Variants in EGFLAM observed in about 807,000 individuals in gnomAD.
EGFLAM encodes the protein pikachurin.
In EGFLAM, 79 loss-of-function variants were observed where a neutral mutation model predicts 113.1. The ratio of observed to expected loss-of-function variants is 0.70; its 90% CI spans 0.58 to 0.84. The LOEUF is 0.84. EGFLAM is among the 40% of genes least tolerant of loss of function. The pLI is 0.00. For missense variants in EGFLAM, 1,265 were observed against 1,291.6 expected (o/e 0.98, Z 0.32); for synonymous variants, 504 against 487.6 (o/e 1.03, Z -0.44).
intron 12 of EGFLAM, among the ~76,000 whole-genome samples, chr5:38,424,153 A>G (rs1561084079): frequency 2.0e-5 from 3 of 152,200 alleles, no homozygotes; most frequent in African/African-American, 7.2e-5. Flanking sequence ...TTTCTTACAC[A>G]CAAAGAGAAA....
Position 38,312,767 on chromosome 5 carries a change from A to C in EGFLAM, c.98-24753A>C, listed in dbSNP as rs757054292. Among the ~76,000 whole-genome samples the C allele has an allele frequency of 1.1e-4, 17 of 152,142 alleles. 1 individual carries two copies. The highest frequency in any genetic ancestry group is 5.2e-4 in the Admixed American group (8 of 15,266). On this transcript the variant is annotated intron_variant, in intron 1 of 21. Transcript: ENST00000322350. Reference sequence around the variant, plus strand: ...GAAGATGCTTATTTTTCTGTCATAAAAGTAATGCACGATCTTTAGAGAAAA... The same window carrying C: ...GAAGATGCTTATTTTTCTGTCATAACAGTAATGCACGATCTTTAGAGAAAA...
intron 1 of EGFLAM, among the ~76,000 whole-genome samples, chr5:38,301,968 G>A (rs776458230): frequency 4.6e-5 from 7 of 152,072 alleles, no homozygotes; most frequent in Admixed American, 1.3e-4. Context: ...GGCCAGGGGC[G>A]GTGGCTCACA....
chr5:38,274,715 A>G (rs1168614569), intron 1 of EGFLAM, among the ~76,000 whole-genome samples: 3 of 152,220 alleles, frequency 2.0e-5, no homozygotes, highest in African/African-American at 4.8e-5. Flanking sequence ...GGAGTTCCTC[A>G]GGCTGAAAGA....
intron 17 of EGFLAM, among the ~76,000 whole-genome samples, chr5:38,446,262 T>A (rs1325212070): frequency 6.6e-6 from 1 of 152,086 alleles, no homozygotes; most frequent in African/African-American, 2.4e-5. Flanking sequence ...CTCCCTGGCC[T>A]TTCTGTCTAT....
At chr5:38,351,901 G>A (rs1186046710) in intron 4 of EGFLAM, among the ~76,000 whole-genome samples, 1 of 152,172 alleles carries the variant, frequency 6.6e-6, no homozygotes, top group African/African-American at 2.4e-5. Context: ...AGGATCAGTG[G>A]CTGGGACATA....
intron 12 of EGFLAM, among the ~76,000 whole-genome samples, chr5:38,419,692 G>T (rs967344153): frequency 6.6e-6 from 1 of 152,162 alleles, no homozygotes; most frequent in East Asian, 1.9e-4. Context: ...TCTTTCCAAG[G>T]TTATTGTGAA....
intron 5 of EGFLAM, among the ~76,000 whole-genome samples, chr5:38,354,502 G>A (rs569131593): frequency 1.3e-5 from 2 of 152,350 alleles, no homozygotes; most frequent in South Asian, 2.1e-4. Flanking sequence ...GTCAAGGCAG[G>A]CAGGTCACCT....
At position 38,407,451 on chromosome 5, in the gene EGFLAM, C is replaced by T. The variant is rs909425125; in HGVS notation, c.1147+305C>T. On this transcript the variant is annotated intron_variant, in intron 8 of 21. Coordinates refer to ENST00000322350, the MANE Select transcript of EGFLAM (RefSeq NM_152403.4). ...CTATAATCACATCTCTACCAAAATA[C>T]GCAGTTAAAGCTTATGCATGAGGGT... Among the ~76,000 whole-genome samples, 6 of 152,120 alleles carry T rather than the reference C, an allele frequency of 3.9e-5. No individual in the cohort carries two copies. In the South Asian group the frequency reaches 6.2e-4, roughly 16 times the overall value.
chr5:38,366,175 G>A (rs769891442), intron 5 of EGFLAM, among the ~76,000 whole-genome samples: 20 of 152,108 alleles, frequency 1.3e-4, no homozygotes, highest in Non-Finnish European at 2.5e-4. Context: ...TGCATCAAGC[G>A]GAGATGGGTC....
intron 19 of EGFLAM, among the ~76,000 whole-genome samples, chr5:38,457,640 A>G (rs1457116196): frequency 6.6e-6 from 1 of 152,162 alleles, no homozygotes; most frequent in African/African-American, 2.4e-5. Flanking sequence ...CTATTTTCAA[A>G]TAAGTAACAT....
At chr5:38,276,999 T>A (rs1757902292) in intron 1 of EGFLAM, among the ~76,000 whole-genome samples, 1 of 152,144 alleles carries the variant, frequency 6.6e-6, no homozygotes, top group Admixed American at 6.5e-5. Context: ...GAAGAACTAA[T>A]ACCTATTTTT....
At position 38,391,410 on chromosome 5, in the gene EGFLAM, G is replaced by GTGTGTGTGTGTT. The variant is rs1554010817; in HGVS notation, c.713-14708_713-14707insTGTTTGTGTGTG. Among the ~76,000 whole-genome samples, 368 of 151,158 alleles carry GTGTGTGTGTGTT rather than the reference G, an allele frequency of 2.4e-3. 1 individual carries two copies. The highest frequency in any genetic ancestry group is 8.0e-3 in the African/African-American group (330 of 40,996). On this transcript the variant is annotated intron_variant, in intron 6 of 21. Transcript: ENST00000322350. Reference sequence around the variant, plus strand: ...TGTGTGTGTGTGTGTGTGTGTGTGTGTGTGTGTGATGGAGTCTCACTCTGT... The same window carrying GTGTGTGTGTGTT: ...TGTGTGTGTGTGTGTGTGTGTGTGTGTGTGTGTGTGTTTGTGTGTGATGGAGTCTCACTCTGT...
chr5:38,417,522 G>T (rs1328901151), intron 11 of EGFLAM, among the ~76,000 whole-genome samples: 2 of 152,018 alleles, frequency 1.3e-5, no homozygotes, highest in African/African-American at 4.8e-5. Flanking sequence ...ATATTCATAA[G>T]CAAATTTCAA....
chr5:38,438,434 G>A lies in EGFLAM; in HGVS notation c.2443G>A (p.Glu815Lys). 1 of 1,610,778 alleles carries A rather than the reference G, an allele frequency of 6.2e-7. No individual in the cohort carries two copies. Among genetic ancestry groups the A allele is most frequent in the Non-Finnish European group, 8.5e-7 (1 of 1,177,900 alleles). The part of the protein sequence containing the change: ...GYDCDCPLGF[E>K]GLHCQKAIIE... The stretch of plus-strand genomic sequence containing the variant: ...TGACTGTGACTGCCCCTTGGGCTTT[G>A]AGGGGCTTCACTGCCAGAAAGGTAC... Residue 815 changes from glutamate to lysine, a missense_variant, in exon 17 of 22, where the codon GAG becomes AAG. Coordinates refer to ENST00000322350, the MANE Select transcript of EGFLAM (RefSeq NM_152403.4).
intron 12 of EGFLAM, among the ~76,000 whole-genome samples, chr5:38,420,302 C>T (rs538929163): frequency 2.8e-4 from 42 of 152,348 alleles, no homozygotes; most frequent in African/African-American, 9.6e-4. Context: ...CCATTGATTA[C>T]TTGGTCAAAG....
intron 5 of EGFLAM, 65 bp from the exon 6 acceptor site, chr5:38,370,231 A>C: frequency 1.3e-6 from 2 of 1,535,780 alleles, no homozygotes; most frequent in Non-Finnish European, 1.8e-6. Context: ...TTACATAGCC[A>C]GCTAGCTTCC....
rs77465416 is a variant in EGFLAM, at chr5:38,350,437, A to T, written c.292-64A>T. 9,797 of 1,504,394 alleles carry T rather than the reference A, an allele frequency of 6.5e-3. 302 individuals carry two copies. The African/African-American group carries it at 0.079, about 12-fold the overall frequency. The allele number at this position is 1,504,394 out of a possible 1,614,324, so 93.2% of individuals were successfully genotyped here. On this transcript the variant is annotated intron_variant, in intron 3 of 21. Coordinates refer to ENST00000322350, the MANE Select transcript of EGFLAM (RefSeq NM_152403.4). ...GCCTCGAGATATAAACCTCATGGAA[A>T]TTGTACAATTTGCCCAAACAGATGT...
chr5:38,312,870 C>A (rs1164652354), intron 1 of EGFLAM, among the ~76,000 whole-genome samples: 1 of 152,046 alleles, frequency 6.6e-6, no homozygotes, highest in East Asian at 1.9e-4. Flanking sequence ...GGTGGATCAC[C>A]TGAGGTCAGC....
chr5:38,388,954 T>G (rs1332760294), intron 6 of EGFLAM, among the ~76,000 whole-genome samples: 1 of 151,686 alleles, frequency 6.6e-6, no homozygotes, highest in African/African-American at 2.4e-5. Flanking sequence ...GCAAATGAGT[T>G]TTTCAGTGAA....
Sources: allele counts gnomAD v4.1 joint callset (sites outside exome capture counted in the v4.1 genomes callset), GRCh38; gene constraint gnomAD v4.1.1; transcripts MANE v1.5; gene names NCBI Gene and HGNC (gene_info 2026-07-23, HGNC 2026-07-21).